The following LRP6 variants were observed in gnomAD, a reference collection of about 807,000 sequenced individuals.
LRP6 encodes LDL receptor related protein 6.
In LRP6, 43 loss-of-function variants were observed where a neutral mutation model predicts 184.1. That is an observed-to-expected ratio of 0.23 (90% CI 0.18 to 0.30). The LOEUF (loss-of-function observed/expected upper bound fraction) is 0.30. Among genes scored for constraint, LRP6 ranks in the 10% least tolerant of loss-of-function variants. LRP6 has a pLI of 1.00. For missense variants in LRP6, 1,571 were observed against 2,005.3 expected (o/e 0.78, Z 4.14); for synonymous variants, 719 against 684.9 (o/e 1.05, Z -0.78).
chr12:12,220,681 C>A (rs894390849), intron 2 of LRP6, among the ~76,000 whole-genome samples: 5 of 151,362 alleles, frequency 3.3e-5, no homozygotes, highest in Non-Finnish European at 5.9e-5. Flanking sequence ...TCACTGCAAC[C>A]TCCACCTCCT....
In LRP6 at chr12:12,184,206, A is replaced by G. The variant is rs1435813483; in HGVS notation, c.845-95T>C. The stretch of plus-strand genomic sequence containing the variant: ...TGAACAACTGTGATAAGCCAAAATT[A>G]TTACCAAATGTCATGCAGGTGCTTG... On this transcript the variant is annotated intron_variant, in intron 4 of 22. Coordinates refer to ENST00000261349, the MANE Select transcript of LRP6 (RefSeq NM_002336.3). 2.9e-6 allele frequency: 3 copies of G among 1,019,766 alleles called. No homozygotes were observed. In the African/African-American group the frequency reaches 4.7e-5, roughly 16 times the overall value. 63.2% of individuals were successfully genotyped at this position (1,019,766 alleles called of 1,614,324 possible). A position where few individuals can be genotyped will look rare whatever the true frequency, so the allele number is the denominator to read the frequency against.
At chr12:12,196,470 C>T (rs1244728565) in intron 3 of LRP6, among the ~76,000 whole-genome samples, 5 of 151,918 alleles carry the variant, frequency 3.3e-5, no homozygotes, top group Admixed American at 3.3e-4. Flanking sequence ...TTGTAAATGA[C>T]ACTGCCTTCT....
Position 12,266,877 on chromosome 12 carries a change from C to G in LRP6, c.-142G>C. 1.3e-6 allele frequency: 1 copy of G among 757,312 alleles called. No individual in the cohort carries two copies. The highest frequency in any genetic ancestry group is 2.3e-6 in the Non-Finnish European group (1 of 439,364). 46.9% of individuals were successfully genotyped at this position (757,312 alleles called of 1,614,324 possible). A position where few individuals can be genotyped will look rare whatever the true frequency, so the allele number is the denominator to read the frequency against. ...CAGCGAGAGAAGAAAGAAAGGGGCA[C>G]GTCAAGGTTCCGCGCGCGCCGCCGC... On this transcript the variant is annotated 5_prime_UTR_variant, in exon 1 of 23. Coordinates refer to ENST00000261349, the MANE Select transcript of LRP6 (RefSeq NM_002336.3).
At chr12:12,159,452 G>C (rs964785384) in intron 11 of LRP6, among the ~76,000 whole-genome samples, 1 of 151,872 alleles carries the variant, frequency 6.6e-6, no homozygotes, top group Non-Finnish European at 1.5e-5. Flanking sequence ...TCTATATAAG[G>C]GTCTACAGTT....
intron 1 of LRP6, among the ~76,000 whole-genome samples, chr12:12,264,272 T>C (rs189605246): frequency 1.3e-5 from 2 of 152,290 alleles, no homozygotes; most frequent in East Asian, 3.9e-4. Flanking sequence ...TATTATTTCA[T>C]TTAAAACACC....
At chr12:12,260,404 A>T (rs1865584229) in intron 1 of LRP6, among the ~76,000 whole-genome samples, 1 of 151,900 alleles carries the variant, frequency 6.6e-6, no homozygotes, top group Non-Finnish European at 1.5e-5. Flanking sequence ...AAAAAAATTT[A>T]GTGTCATTCC....
rs1591993097 is a variant in LRP6, at chr12:12,257,740, C to T, written c.55+8941G>A. 8.3e-5 allele frequency among the ~76,000 whole-genome samples: 10 copies of T among 121,100 alleles called. No homozygotes were observed. The South Asian group carries it at 2.6e-3, about 32-fold the overall frequency. 79.4% of individuals were successfully genotyped at this position (121,100 alleles called of 152,430 possible). A position where few individuals can be genotyped will look rare whatever the true frequency, so the allele number is the denominator to read the frequency against. On this transcript the variant is annotated intron_variant, in intron 1 of 22. Transcript: ENST00000261349. ...GGAGGATCACTTGAGCCCAGGAATT[C>T]GAGACCAGTCTGAGCAACATAGTAA...
chr12:12,203,193 G>A lies in LRP6; in HGVS notation c.647+10C>T, dbSNP rs777461323. The stretch of plus-strand genomic sequence containing the variant: ...TTCTTAAAAGTTTTTTCTAATTCTT[G>A]TAATCTTACCGATTTGTTCCATCCA... On this transcript the variant is annotated intron_variant, in intron 3 of 22. Coordinates refer to ENST00000261349, the MANE Select transcript of LRP6 (RefSeq NM_002336.3). 6.3e-7 allele frequency: 1 copy of A among 1,586,612 alleles called. No individual in the cohort carries two copies. Among genetic ancestry groups the A allele is most frequent in the South Asian group, 1.2e-5 (1 of 86,398 alleles).
chr12:12,244,404 C>CA lies in LRP6; in HGVS notation c.306dup (p.Asp103Ter), dbSNP rs1172254773. On this transcript the variant is annotated frameshift_variant, in exon 2 of 23. Coordinates refer to ENST00000261349, the MANE Select transcript of LRP6 (RefSeq NM_002336.3). LOFTEE classifies it high-confidence loss of function. ...CAGTACAATTTTTCTCCAAGCCAAT[C>CA]ACATGCCAGCCCATCGGGGGACAAT... 6.2e-7 allele frequency: 1 copy of CA among 1,614,088 alleles called. No homozygotes were observed. Among genetic ancestry groups the CA allele is most frequent in the African/African-American group, 1.3e-5 (1 of 74,934 alleles).
chr12:12,205,745 A>G (rs775290208), intron 2 of LRP6, among the ~76,000 whole-genome samples: 17 of 152,196 alleles, frequency 1.1e-4, no homozygotes, highest in Non-Finnish European at 1.6e-4. Context: ...TCAAACCTAC[A>G]TCTCTTAAAT....
At chr12:12,188,646 C>G (rs1863538784) in intron 3 of LRP6, among the ~76,000 whole-genome samples, 2 of 152,176 alleles carry the variant, frequency 1.3e-5, no homozygotes, top group Non-Finnish European at 2.9e-5. Flanking sequence ...CACTGCCAAC[C>G]CATATCACCA....
intron 2 of LRP6, among the ~76,000 whole-genome samples, chr12:12,241,185 C>T (rs1001433958): frequency 6.6e-6 from 1 of 152,144 alleles, no homozygotes; most frequent in Non-Finnish European, 1.5e-5. Context: ...TATGAGAGAG[C>T]TCAATCAGCT....
intron 2 of LRP6, among the ~76,000 whole-genome samples, chr12:12,215,602 C>A (rs926175550): frequency 6.6e-6 from 1 of 151,798 alleles, no homozygotes; most frequent in Non-Finnish European, 1.5e-5. Flanking sequence ...CCGCCCGCCT[C>A]GGCCTCCCAA....
At position 12,222,671 on chromosome 12, in the gene LRP6, T is replaced by C. The variant is rs117975285; in HGVS notation, c.450-19271A>G. On this transcript the variant is annotated intron_variant, in intron 2 of 22. Coordinates refer to ENST00000261349, the MANE Select transcript of LRP6 (RefSeq NM_002336.3). ...TGAAACTGCAGAGTACCAAACCCTA[T>C]ATATACTATGTTTTTTCCTATATAT... Among the ~76,000 whole-genome samples the C allele has an allele frequency of 2.1e-3, 321 of 152,152 alleles. 2 individuals carry two copies. The highest frequency in any genetic ancestry group is 3.3e-3 in the Non-Finnish European group (227 of 67,994).
chr12:12,195,929 T>C (rs975970588), intron 3 of LRP6, among the ~76,000 whole-genome samples: 15 of 152,212 alleles, frequency 9.9e-5, no homozygotes, highest in Admixed American at 8.5e-4. Flanking sequence ...TTCCCCAGCA[T>C]CATTTATTGA....
At chr12:12,248,884 C>T in intron 1 of LRP6, 5 of 312,106 alleles carry the variant, frequency 1.6e-5, no homozygotes, top group African/African-American at 2.2e-5. Context: ...TTTTTCTTGT[C>T]TTGTTTCAAA....
chr12:12,241,847 A>G (rs543654818), intron 2 of LRP6, among the ~76,000 whole-genome samples: 1 of 152,298 alleles, frequency 6.6e-6, no homozygotes, highest in Non-Finnish European at 1.5e-5. Context: ...CTTTTTTATC[A>G]GCTAAGTCTT....
chr12:12,217,202 G>A lies in LRP6; in HGVS notation c.450-13802C>T, dbSNP rs151160261. Among the ~76,000 whole-genome samples, 218 of 152,186 alleles carry A rather than the reference G, an allele frequency of 1.4e-3. 1 individual carries two copies. Among genetic ancestry groups the A allele is most frequent in the African/African-American group, 4.3e-3 (180 of 41,520 alleles). The stretch of plus-strand genomic sequence containing the variant: ...TCGTTCATATTACTGCCTGAGCTCC[G>A]CCTCTGTCAGATCAGTGGAGGTATT... On this transcript the variant is annotated intron_variant, in intron 2 of 22. Coordinates refer to ENST00000261349, the MANE Select transcript of LRP6 (RefSeq NM_002336.3).
chr12:12,220,604 T>G (rs990767465), intron 2 of LRP6, among the ~76,000 whole-genome samples: 3 of 151,470 alleles, frequency 2.0e-5, no homozygotes, highest in African/African-American at 4.8e-5. Context: ...TCTTAGTTTT[T>G]TTTTTTTTTT....
Sources: allele counts gnomAD v4.1 joint callset (sites outside exome capture counted in the v4.1 genomes callset), GRCh38; gene constraint gnomAD v4.1.1; transcripts MANE v1.5; gene names NCBI Gene and HGNC (gene_info 2026-07-23, HGNC 2026-07-21).